The following WDR7 variants were observed in gnomAD, a reference collection of about 807,000 sequenced individuals.
The protein encoded by WDR7 is WD repeat domain 7, also known as WD repeat-containing protein 7.
WDR7 carries 46 observed loss-of-function variants against 169.4 expected under a neutral mutation model. The ratio of observed to expected loss-of-function variants is 0.27; its 90% CI spans 0.21 to 0.35. WDR7 has a LOEUF of 0.35. Ranked by LOEUF, WDR7 falls within the 10% of genes least tolerant of loss-of-function variation. WDR7 has a pLI of 1.00. For missense variants in WDR7, 1,534 were observed against 1,859.3 expected, an observed-to-expected ratio of 0.83 and a Z score of 3.22; for synonymous variants, 612 against 666.8, an observed-to-expected ratio of 0.92 and a Z score of 1.27.
chr18:56,950,086 G>A (rs2047159897), intron 25 of WDR7, among the ~76,000 whole-genome samples: 3 of 152,106 alleles, frequency 2.0e-5, no homozygotes, highest in South Asian at 4.1e-4. Flanking sequence ...AATGGTGTTC[G>A]ATGAGAAAAG....
chr18:56,671,291 GTT>G (rs57573854), intron 1 of WDR7, among the ~76,000 whole-genome samples: 440 of 118,908 alleles, frequency 3.7e-3, no homozygotes, highest in Non-Finnish European at 4.4e-3. Flanking sequence ...TGAGCAAAGT[GTT>G]TTTTTTTTTT....
intron 25 of WDR7, among the ~76,000 whole-genome samples, chr18:56,955,294 A>T (rs2047235872): frequency 6.6e-6 from 1 of 152,132 alleles, no homozygotes. Flanking sequence ...CTGTCTTTTA[A>T]TGCTAAAGTT....
chr18:56,926,107 A>C (rs2046803215), intron 22 of WDR7, among the ~76,000 whole-genome samples: 1 of 152,208 alleles, frequency 6.6e-6, no homozygotes, highest in African/African-American at 2.4e-5. Context: ...TAGAATGAGC[A>C]GTTTAGCATA....
At chr18:56,889,043 G>T (rs190288872) in intron 21 of WDR7, among the ~76,000 whole-genome samples, 271 of 152,266 alleles carry the variant, frequency 1.8e-3, no homozygotes, top group African/African-American at 6.2e-3. Context: ...TTGGAAAAGG[G>T]TTGGGAGGCC....
chr18:56,908,073 A>G (rs1410906511), intron 21 of WDR7, among the ~76,000 whole-genome samples: 1 of 152,136 alleles, frequency 6.6e-6, no homozygotes, highest in Non-Finnish European at 1.5e-5. Flanking sequence ...AAGCTTGTAT[A>G]GTTAGATTCT....
At chr18:56,806,529 A>C (rs1393306735) in intron 19 of WDR7, among the ~76,000 whole-genome samples, 2 of 152,138 alleles carry the variant, frequency 1.3e-5, no homozygotes, top group African/African-American at 4.8e-5. Flanking sequence ...CCCTTCTGGC[A>C]CTTCTAAGGA....
At chr18:57,009,665 A>T (rs2048111171) in intron 26 of WDR7, among the ~76,000 whole-genome samples, 2 of 152,240 alleles carry the variant, frequency 1.3e-5, no homozygotes, top group Non-Finnish European at 1.5e-5. Flanking sequence ...AGGTATGGTA[A>T]TGTTGGTTAA....
chr18:56,877,536 G>C (rs886184969), intron 20 of WDR7, among the ~76,000 whole-genome samples: 4 of 152,130 alleles, frequency 2.6e-5, no homozygotes, highest in Non-Finnish European at 5.9e-5. Context: ...TTGATACTAA[G>C]TATAGAATAT....
At chr18:56,892,898 G>A (rs2046283247) in intron 21 of WDR7, among the ~76,000 whole-genome samples, 1 of 151,990 alleles carries the variant, frequency 6.6e-6, no homozygotes, top group African/African-American at 2.4e-5. Flanking sequence ...GGTCTGTAAT[G>A]CAAGTAGAGA....
intron 20 of WDR7, among the ~76,000 whole-genome samples, chr18:56,831,444 C>T (rs183781928): frequency 3.9e-5 from 6 of 152,098 alleles, no homozygotes; most frequent in African/African-American, 7.2e-5. Context: ...TGGGGCAAGT[C>T]GGGGTAAGCA....
rs1225501901 is a variant in WDR7, at chr18:56,672,520, C to T, written c.5C>T (p.Ala2Val). The T allele has an allele frequency of 1.9e-6, 3 of 1,551,770 alleles. No homozygotes were observed. Among genetic ancestry groups the T allele is most frequent in the Admixed American group, 1.9e-5 (1 of 51,980 alleles). Residue 2 changes from alanine to valine, a missense_variant, in exon 2 of 28, where the codon GCA becomes GTA. Physicochemically the swap from Ala to Val is moderately conservative, Grantham distance 64 (BLOSUM62 0). Coordinates refer to ENST00000254442, the MANE Select transcript of WDR7 (RefSeq NM_015285.3). The stretch of plus-strand genomic sequence containing the variant: ...AGGTTTGAAAACACAAACACAATGG[C>T]AGGAAACAGCCTTGTTCTACCCATT... M[A>V]GNSLVLPIVL...
chr18:56,948,599 C>T (rs989658641), intron 25 of WDR7, among the ~76,000 whole-genome samples: 1 of 152,182 alleles, frequency 6.6e-6, no homozygotes, highest in African/African-American at 2.4e-5. Context: ...AAGCAGTGAC[C>T]TTACTGCATT....
intron 19 of WDR7, among the ~76,000 whole-genome samples, chr18:56,791,499 G>T (rs1485609456): frequency 6.6e-6 from 1 of 151,930 alleles, no homozygotes; most frequent in African/African-American, 2.4e-5. Flanking sequence ...GTTCTATTTT[G>T]ATTTTTATCT....
At chr18:56,673,340 T>C (rs1215417598) in intron 2 of WDR7, among the ~76,000 whole-genome samples, 1 of 152,218 alleles carries the variant, frequency 6.6e-6, no homozygotes, top group Non-Finnish European at 1.5e-5. Context: ...GTATGGAATG[T>C]GGGGTCAAGA....
chr18:56,926,047 G>A lies in WDR7; in HGVS notation c.3713+1939G>A, dbSNP rs567305109. The stretch of plus-strand genomic sequence containing the variant: ...CAGAAGTACTGGTGGTACTGGTGGT[G>A]ATGCCATTGTTAGGTCCTTGTATTC... On this transcript the variant is annotated intron_variant, in intron 22 of 27. Transcript: ENST00000254442. Among the ~76,000 whole-genome samples, 185 of 152,348 alleles carry A rather than the reference G, an allele frequency of 1.2e-3. 1 individual carries two copies. Among genetic ancestry groups the A allele is most frequent in the Middle Eastern group, 3.4e-3 (1 of 294 alleles).
At chr18:56,774,279 T>C (rs1177467279) in intron 16 of WDR7, among the ~76,000 whole-genome samples, 1 of 152,118 alleles carries the variant, frequency 6.6e-6, no homozygotes, top group African/African-American at 2.4e-5. Flanking sequence ...AAGCAGAATC[T>C]AGGGATGTTA....
At chr18:56,914,870 A>G (rs1221212567) in intron 21 of WDR7, among the ~76,000 whole-genome samples, 1 of 152,194 alleles carries the variant, frequency 6.6e-6, no homozygotes, top group East Asian at 1.9e-4. Context: ...GCAAAATGAG[A>G]TTAAATTTCC....
downstream of WDR7, chr18:57,031,290 C>G (rs1043170353): frequency 1.3e-5 from 2 of 152,098 alleles, no homozygotes; most frequent in African/African-American, 4.8e-5. Flanking sequence ...TCCCTTTAAG[C>G]AAATTACTTA....
Position 57,005,856 on chromosome 18 carries a change from T to C in WDR7, c.4165-14889T>C, listed in dbSNP as rs145985985. ...CATCTTTTAAGAAAGTTTATGAATTTGTGTTGGGCCACATTCAAAGCCATC... is the reference window on the plus strand; with the variant it reads ...CATCTTTTAAGAAAGTTTATGAATTCGTGTTGGGCCACATTCAAAGCCATC... On this transcript the variant is annotated intron_variant, in intron 26 of 27. Coordinates refer to ENST00000254442, the MANE Select transcript of WDR7 (RefSeq NM_015285.3). 8.6e-3 allele frequency among the ~76,000 whole-genome samples: 1,305 copies of C among 152,302 alleles called. 16 individuals are homozygous for C. Among genetic ancestry groups the C allele is most frequent in the African/African-American group, 0.03 (1,236 of 41,578 alleles).
Sources: gnomAD v4.1 joint callset for allele counts (sites outside exome capture counted in the v4.1 genomes callset) on GRCh38, gnomAD v4.1.1 for gene constraint, MANE v1.5 for transcripts, NCBI Gene and HGNC (gene_info 2026-07-23, HGNC 2026-07-21) for gene names.